EYS: variants seen among roughly 807,000 people sequenced by gnomAD.
The protein encoded by EYS is EGF-like photoreceptor maintenance factor.
Under a neutral mutation model 282.1 loss-of-function variants are expected in EYS, and 250 were observed. The observed-to-expected ratio is 0.89, with a 90% CI of 0.80 to 0.98. The LOEUF (loss-of-function observed/expected upper bound fraction) is 0.98, where lower values mean the gene tolerates loss of function less well. EYS is among the 50% of genes least tolerant of loss of function. The pLI is 0.00. For missense variants in EYS, 4,016 were observed against 3,709.0 expected, an observed-to-expected ratio of 1.08 and a Z score of -2.15; for synonymous variants, 1,355 against 1,282.9, an observed-to-expected ratio of 1.06 and a Z score of -1.20.
chr6:65,022,931 C>T (rs1772292984), intron 13 of EYS, among the ~76,000 whole-genome samples: 1 of 151,738 alleles, frequency 6.6e-6, no homozygotes, highest in Non-Finnish European at 1.5e-5. Flanking sequence ...AGAAGTCAGT[C>T]ACAAAAGACC....
chr6:64,377,894 T>A (rs1038345064), intron 29 of EYS: 2 of 152,162 alleles, frequency 1.3e-5, no homozygotes, highest in African/African-American at 4.8e-5. Flanking sequence ...AAATTACTTG[T>A]TATTGCTGTG....
intron 2 of EYS, among the ~76,000 whole-genome samples, chr6:65,609,196 T>G (rs1362106821): frequency 6.6e-6 from 1 of 151,992 alleles, no homozygotes; most frequent in African/African-American, 2.4e-5. Context: ...ATTGCACTAC[T>G]ACATTACCAT....
At chr6:63,882,702 C>T (rs924621752) in intron 35 of EYS, among the ~76,000 whole-genome samples, 4 of 152,148 alleles carry the variant, frequency 2.6e-5, no homozygotes, top group African/African-American at 2.4e-5. Context: ...GAGAGCACAG[C>T]AGGCGGCCTA....
intron 15 of EYS, among the ~76,000 whole-genome samples, chr6:64,939,670 A>C (rs1359014717): frequency 1.3e-5 from 2 of 149,972 alleles, no homozygotes; most frequent in Non-Finnish European, 3.0e-5. Flanking sequence ...TATTTCATAC[A>C]CACACACACA....
Position 65,052,159 on chromosome 6 carries a change from A to C in EYS, c.2137+5455T>G, listed in dbSNP as rs185530230. Among the ~76,000 whole-genome samples, 35 of 151,592 alleles carry C rather than the reference A, an allele frequency of 2.3e-4. 1 individual carries two copies. Among genetic ancestry groups the C allele is most frequent in the Admixed American group, 2.0e-3 (31 of 15,174 alleles). On this transcript the variant is annotated intron_variant, in intron 13 of 42. Coordinates refer to ENST00000503581, the MANE Select transcript of EYS (RefSeq NM_001142800.2). ...AATATATTTTAAGGAAATAGTTATA[A>C]CTATGTGAAAAAATAGCATTTTTCA...
chr6:64,633,190 A>C (rs1767851056), intron 22 of EYS, among the ~76,000 whole-genome samples: 1 of 152,176 alleles, frequency 6.6e-6, no homozygotes, highest in South Asian at 2.1e-4. Flanking sequence ...AAGTTTCCTG[A>C]AACCACTTTA....
chr6:63,868,351 A>G (rs957613227), intron 35 of EYS, among the ~76,000 whole-genome samples: 1 of 152,172 alleles, frequency 6.6e-6, no homozygotes, highest in Non-Finnish European at 1.5e-5. Context: ...AAAAAATCAA[A>G]GAAGCTGGCT....
intron 1 of EYS, among the ~76,000 whole-genome samples, chr6:65,678,236 G>GCCT (rs1768693673): frequency 1.3e-5 from 2 of 151,848 alleles, no homozygotes; most frequent in Non-Finnish European, 2.9e-5. Context: ...CATTAATGAG[G>GCCT]GATCTGCCCC....
chr6:65,092,795 G>T (rs962722437), intron 12 of EYS, among the ~76,000 whole-genome samples: 1 of 152,024 alleles, frequency 6.6e-6, no homozygotes, highest in Admixed American at 6.6e-5. Context: ...GTCACAAAAA[G>T]AATGAAAAAG....
At position 64,352,278 on chromosome 6, in the gene EYS, T is replaced by A. The variant is rs563161167; in HGVS notation, c.6078+36412A>T. ...AACCTCTGAACTCTATTATTTTGGTTGGTCTTTATCTGTAAAATGAGAATA... is the reference window on the plus strand; with the variant it reads ...AACCTCTGAACTCTATTATTTTGGTAGGTCTTTATCTGTAAAATGAGAATA... On this transcript the variant is annotated intron_variant, in intron 29 of 42. Coordinates refer to ENST00000503581, the MANE Select transcript of EYS (RefSeq NM_001142800.2). Among the ~76,000 whole-genome samples the A allele has an allele frequency of 4.0e-5, 6 of 151,702 alleles. No homozygotes were observed. In the East Asian group the frequency reaches 1.2e-3, roughly 30 times the overall value.
chr6:65,673,005 GA>G (rs1768447984), intron 1 of EYS, among the ~76,000 whole-genome samples: 1 of 151,958 alleles, frequency 6.6e-6, no homozygotes, highest in Non-Finnish European at 1.5e-5. Flanking sequence ...CCAGGAGAAG[GA>G]ATTTCACAAG....
At chr6:65,614,990 T>C (rs544882619) in intron 2 of EYS, among the ~76,000 whole-genome samples, 2 of 152,276 alleles carry the variant, frequency 1.3e-5, no homozygotes, top group African/African-American at 2.4e-5. Flanking sequence ...TCATTATCTA[T>C]TCAAAACCAC....
At chr6:64,028,421 C>T (rs547111597) in intron 33 of EYS, among the ~76,000 whole-genome samples, 25 of 152,336 alleles carry the variant, frequency 1.6e-4, no homozygotes, top group East Asian at 7.7e-4. Context: ...AAAAACCAAA[C>T]GGTCATTGGA....
intron 22 of EYS, among the ~76,000 whole-genome samples, chr6:64,673,319 T>A (rs1282725500): frequency 6.6e-6 from 1 of 152,100 alleles, no homozygotes; most frequent in African/African-American, 2.4e-5. Context: ...TGAACATTAT[T>A]TATGTTGACC....
In EYS at chr6:64,105,795, A is replaced by G. The variant is rs78583363; in HGVS notation, c.6425-23793T>C. Among the ~76,000 whole-genome samples the G allele has an allele frequency of 7.6e-4, 115 of 152,224 alleles. 1 individual carries two copies. Among genetic ancestry groups the G allele is most frequent in the African/African-American group, 2.6e-3 (109 of 41,564 alleles). On this transcript the variant is annotated intron_variant, in intron 31 of 42. Coordinates refer to ENST00000503581, the MANE Select transcript of EYS (RefSeq NM_001142800.2). ...TCTCTTTAGCACTGAATAGTATTCC[A>G]CTGTCTGGATCTACCACAGTTTATT...
chr6:64,136,457 G>T (rs189159766), intron 31 of EYS, among the ~76,000 whole-genome samples: 407 of 152,112 alleles, frequency 2.7e-3, no homozygotes, highest in Non-Finnish European at 4.7e-3. Flanking sequence ...ATTTTCAATT[G>T]ACTTTGCCTA....
chr6:65,062,839 T>C (rs1021502652), intron 12 of EYS, among the ~76,000 whole-genome samples: 1 of 151,886 alleles, frequency 6.6e-6, no homozygotes, highest in Non-Finnish European at 1.5e-5. Context: ...CATCACCGTC[T>C]TTTACTTTGC....
chr6:65,395,263 A>C (rs1012303085), intron 7 of EYS, among the ~76,000 whole-genome samples: 5 of 152,114 alleles, frequency 3.3e-5, no homozygotes, highest in African/African-American at 1.2e-4. Context: ...GGGTTTCTCC[A>C]TGTTGGTCAA....
At chr6:63,812,540 G>C (rs1490203444) in intron 36 of EYS, among the ~76,000 whole-genome samples, 1 of 152,106 alleles carries the variant, frequency 6.6e-6, no homozygotes, top group East Asian at 1.9e-4. Flanking sequence ...TCCCCACTCA[G>C]ATTGCAGATT....
Sources: gnomAD v4.1 joint callset for allele counts (sites outside exome capture counted in the v4.1 genomes callset) on GRCh38, gnomAD v4.1.1 for gene constraint, MANE v1.5 for transcripts, NCBI Gene and HGNC (gene_info 2026-07-23, HGNC 2026-07-21) for gene names.